Variants in TSTD2 observed in about 807,000 individuals in gnomAD.
TSTD2 encodes the protein thiosulfate sulfurtransferase like domain containing 2.
Under a neutral mutation model 47.9 loss-of-function variants are expected in TSTD2, and 37 were observed. The observed-to-expected ratio is 0.77, with a 90% CI of 0.59 to 1.02. TSTD2 has a LOEUF of 1.02. Ranked by LOEUF, TSTD2 falls within the 50% of genes least tolerant of loss-of-function variation. The pLI is 0.00. For missense variants in TSTD2, 586 were observed against 616.0 expected, an observed-to-expected ratio of 0.95 and a Z score of 0.52; for synonymous variants, 201 against 215.9, an observed-to-expected ratio of 0.93 and a Z score of 0.61.
In TSTD2 at chr9:97,602,784, A is replaced by G; in HGVS notation, c.1253-17T>C. 1 of 1,588,024 alleles carries G rather than the reference A, an allele frequency of 6.3e-7. No homozygotes were observed. The highest frequency in any genetic ancestry group is 8.6e-7 in the Non-Finnish European group (1 of 1,164,420). ...ATGAACACTCTGGGGAGGAAGGAAA[A>G]GCCATCATTATAAACACATACATTC... On this transcript the variant is annotated splice_polypyrimidine_tract_variant and intron_variant, in intron 9 of 9. Transcript: ENST00000341170.
Position 97,600,143 on chromosome 9 carries a change from G to GAT in TSTD2, c.*2324_*2325dup, listed in dbSNP as rs1199733542. The GAT allele has an allele frequency of 1.0e-6, 1 of 1,001,168 alleles. No individual in the cohort carries two copies. Among genetic ancestry groups the GAT allele is most frequent in the Non-Finnish European group, 1.2e-6 (1 of 837,824 alleles). The allele number at this position is 1,001,168 out of a possible 1,614,324, so 62.0% of individuals were successfully genotyped here. Reference sequence around the variant, plus strand: ...GTCTTAGCTATTAGCAAATAAAACTGATTATCATTCTTTATTAACCCTCCT... The same window carrying GAT: ...GTCTTAGCTATTAGCAAATAAAACTGATATTATCATTCTTTATTAACCCTCCT... On this transcript the variant is annotated 3_prime_UTR_variant, in exon 10 of 10. Transcript: ENST00000341170.
At chr9:97,626,817 G>C (rs1826728846) in intron 2 of TSTD2, among the ~76,000 whole-genome samples, 1 of 152,098 alleles carries the variant, frequency 6.6e-6, no homozygotes, top group Non-Finnish European at 1.5e-5. Context: ...AACCAGAAAA[G>C]CATGTGGGTG....
chr9:97,613,622 T>C (rs1183751949), intron 4 of TSTD2, among the ~76,000 whole-genome samples: 1 of 151,920 alleles, frequency 6.6e-6, no homozygotes. Context: ...GGAACTGAGC[T>C]CTCTAAAGAA....
intron 3 of TSTD2, among the ~76,000 whole-genome samples, 199 bp downstream of exon 3, chr9:97,625,482 G>T (rs567211384): frequency 6.6e-6 from 1 of 152,070 alleles, no homozygotes; most frequent in Admixed American, 6.6e-5. Context: ...AGAAATTGCC[G>T]AACACTTTTC....
At chr9:97,632,499 C>G (rs1160052760) in intron 1 of TSTD2, among the ~76,000 whole-genome samples, 1 of 148,498 alleles carries the variant, frequency 6.7e-6, no homozygotes, top group Non-Finnish European at 1.5e-5. Context: ...GGCCCCCAAC[C>G]CTCCCCTCGA....
At chr9:97,611,753 T>C in intron 4 of TSTD2, 54 bp from the exon 5 acceptor site, 3 of 1,562,640 alleles carry the variant, frequency 1.9e-6, no homozygotes, top group Admixed American at 3.4e-5. Flanking sequence ...TTGGTTATCT[T>C]TCCAGGGAAG....
At chr9:97,609,789 T>C (rs564773673) in intron 6 of TSTD2, among the ~76,000 whole-genome samples, 6 of 152,320 alleles carry the variant, frequency 3.9e-5, no homozygotes, top group Middle Eastern at 3.4e-3. Context: ...TGGCCATTAA[T>C]CAGTTAACTG....
At position 97,603,056 on chromosome 9, in the gene TSTD2, TTC is replaced by T. The variant is rs202214264; in HGVS notation, c.1253-291_1253-290del. 112 of 311,608 alleles carry T rather than the reference TTC, an allele frequency of 3.6e-4. 1 individual carries two copies. In the East Asian group the frequency reaches 6.6e-3, roughly 18 times the overall value. The allele number at this position is 311,608 out of a possible 1,614,324, so 19.3% of individuals were successfully genotyped here. On this transcript the variant is annotated intron_variant, in intron 9 of 9. Coordinates refer to ENST00000341170, the MANE Select transcript of TSTD2 (RefSeq NM_139246.5). ...GTGGTAACTAGATGGTAATGAAAGT[TTC>T]TCTCTCTCACCAGCTATTCCAAAGC... is the stretch of plus-strand genomic sequence containing the variant.
At chr9:97,614,366 T>C (rs1293045729) in intron 4 of TSTD2, among the ~76,000 whole-genome samples, 5 of 149,116 alleles carry the variant, frequency 3.4e-5, no homozygotes, top group East Asian at 1.9e-4. Context: ...TGTTTATACA[T>C]GCACTTCTGG....
chr9:97,616,494 C>T (rs1826544188), intron 4 of TSTD2, among the ~76,000 whole-genome samples: 1 of 151,958 alleles, frequency 6.6e-6, no homozygotes, highest in South Asian at 2.1e-4. Flanking sequence ...ACTGAATGGA[C>T]TGGGTAAGAG....
At chr9:97,603,115 T>A (rs1826297746) in intron 9 of TSTD2, 1 of 230,756 alleles carries the variant, frequency 4.3e-6, no homozygotes, top group Admixed American at 5.7e-5. Context: ...CCTTGTTAAG[T>A]GGTCTTTTCC....
In TSTD2 at chr9:97,601,642, T is replaced by C. The variant is rs1249033015; in HGVS notation, c.*827A>G. 2.1e-6 allele frequency: 2 copies of C among 938,004 alleles called. No individual in the cohort carries two copies. The highest frequency in any genetic ancestry group is 1.8e-5 in the African/African-American group (1 of 56,286). The allele number at this position is 938,004 out of a possible 1,614,324, so 58.1% of individuals were successfully genotyped here. On this transcript the variant is annotated 3_prime_UTR_variant, in exon 10 of 10. Coordinates refer to ENST00000341170, the MANE Select transcript of TSTD2 (RefSeq NM_139246.5). ...GCCAGACAGTAAAAATTTCCGATTTTGCAGGCCACATAGTGTCTGTTGCAA... is the reference window on the plus strand; with the variant it reads ...GCCAGACAGTAAAAATTTCCGATTTCGCAGGCCACATAGTGTCTGTTGCAA...
At chr9:97,607,077 G>A (rs1826378261) in intron 6 of TSTD2, among the ~76,000 whole-genome samples, 1 of 152,044 alleles carries the variant, frequency 6.6e-6, no homozygotes, top group African/African-American at 2.4e-5. Flanking sequence ...GATGCAGGAG[G>A]ACCCCTTGAG....
At position 97,606,136 on chromosome 9, in the gene TSTD2, T is replaced by G. The variant is rs1467451231; in HGVS notation, c.954+7A>C. On this transcript the variant is annotated splice_region_variant and intron_variant, in intron 7 of 9. Transcript: ENST00000341170. Reference sequence around the variant, plus strand: ...ATTCAGAGAACTCAGTTCTGGCTTTTACTTACTATTTTGCTTTCATAGAAG... The same window carrying G: ...ATTCAGAGAACTCAGTTCTGGCTTTGACTTACTATTTTGCTTTCATAGAAG... 6.4e-7 allele frequency: 1 copy of G among 1,567,832 alleles called. No homozygotes were observed. The highest frequency in any genetic ancestry group is 8.8e-7 in the Non-Finnish European group (1 of 1,139,398).
At chr9:97,603,973 G>A (rs750256364) in intron 9 of TSTD2, 1 of 152,228 alleles carries the variant, frequency 6.6e-6, no homozygotes, top group African/African-American at 2.4e-5. Flanking sequence ...TTACAGGCAT[G>A]AGCCTCTGTG....
At chr9:97,619,388 A>C (rs1037753979) in intron 3 of TSTD2, among the ~76,000 whole-genome samples, 2 of 152,234 alleles carry the variant, frequency 1.3e-5, no homozygotes, top group Non-Finnish European at 2.9e-5. Flanking sequence ...GCACTCATGC[A>C]GCAACAAGAC....
chr9:97,622,845 G>A (rs1421499191), intron 3 of TSTD2, among the ~76,000 whole-genome samples: 1 of 152,256 alleles, frequency 6.6e-6, no homozygotes. Flanking sequence ...TGGAATGGCT[G>A]TATTTACTCA....
In TSTD2 at chr9:97,605,352, C is replaced by T. The variant is rs1411344; in HGVS notation, c.1113+131G>A. On this transcript the variant is annotated intron_variant, in intron 8 of 9. Coordinates refer to ENST00000341170, the MANE Select transcript of TSTD2 (RefSeq NM_139246.5). ...TTACGAACTCCATGCTGGAGCCATA[C>T]GAGGGGTGAAGGCATGCTTTGGCTG... 0.033 allele frequency: 35,072 copies of T among 1,063,638 alleles called. 4,996 individuals are homozygous for T. In the African/African-American group the frequency reaches 0.37, roughly 11 times the overall value. 65.9% of individuals were successfully genotyped at this position (1,063,638 alleles called of 1,614,324 possible). A position where few individuals can be genotyped will look rare whatever the true frequency, so the allele number is the denominator to read the frequency against.
chr9:97,615,333 G>A (rs563981567), intron 4 of TSTD2, among the ~76,000 whole-genome samples: 44 of 152,270 alleles, frequency 2.9e-4, no homozygotes, highest in African/African-American at 7.7e-4. Flanking sequence ...CATAATCCCC[G>A]TTTTACAGAA....
Sources: gnomAD v4.1 joint callset for allele counts (sites outside exome capture counted in the v4.1 genomes callset) on GRCh38, gnomAD v4.1.1 for gene constraint, MANE v1.5 for transcripts, NCBI Gene and HGNC (gene_info 2026-07-23, HGNC 2026-07-21) for gene names.